Variants in ALS2 observed in about 807,000 individuals in gnomAD.
ALS2 encodes alsin Rho guanine nucleotide exchange factor ALS2.
Under a neutral mutation model 203.4 loss-of-function variants are expected in ALS2, and 117 were observed. The observed-to-expected ratio is 0.58, with a 90% CI of 0.50 to 0.67. The LOEUF (loss-of-function observed/expected upper bound fraction) is 0.67, where lower values mean the gene tolerates loss of function less well. ALS2 is among the 30% of genes least tolerant of loss of function. The pLI, the probability that ALS2 is intolerant of heterozygous loss-of-function variation, is 0.00. For synonymous variants in ALS2, 718 were observed against 725.9 expected (o/e 0.99, Z 0.17); for missense variants, 1,715 against 1,989.4 (o/e 0.86, Z 2.62).
At chr2:201,713,625 G>A (rs1690182673) in intron 25 of ALS2, among the ~76,000 whole-genome samples, 1 of 152,072 alleles carries the variant, frequency 6.6e-6, no homozygotes, top group Non-Finnish European at 1.5e-5. Context: ...AAGTGATTTC[G>A]GTTAGTGCAG....
intron 15 of ALS2, 105 bp downstream of exon 15, chr2:201,728,407 G>C: frequency 6.7e-7 from 1 of 1,498,584 alleles, no homozygotes. Context: ...TTAGTCAACA[G>C]TTTCAGTAAA....
chr2:201,727,374 G>GGTT, intron 16 of ALS2, 96 bp from the exon 17 acceptor site: 3 of 1,084,432 alleles, frequency 2.8e-6, no homozygotes, highest in Non-Finnish European at 4.2e-6. Flanking sequence ...TATTTCAAGA[G>GGTT]GAACAGAAAT....
At chr2:201,771,453 T>C (rs10196640) in intron 1 of ALS2, among the ~76,000 whole-genome samples, 25,729 of 152,072 alleles carry the variant, frequency 0.17, 2,482 homozygotes, top group East Asian at 0.4. Flanking sequence ...AGAAAACTGA[T>C]TGCTGAGGAA....
At chr2:201,738,246 G>C (rs969728226) in intron 12 of ALS2, among the ~76,000 whole-genome samples, 1 of 152,208 alleles carries the variant, frequency 6.6e-6, no homozygotes, top group Admixed American at 6.5e-5. Flanking sequence ...CCTTGTGTAA[G>C]GAGCCTTTAA....
chr2:201,740,188 G>A (rs1365956405), intron 11 of ALS2, among the ~76,000 whole-genome samples: 2 of 151,948 alleles, frequency 1.3e-5, no homozygotes, highest in African/African-American at 4.8e-5. Context: ...TTAGCTGGAT[G>A]TGCTGGCATG....
At chr2:201,752,282 A>AT (rs1330297042) in intron 7 of ALS2, among the ~76,000 whole-genome samples, 1 of 152,156 alleles carries the variant, frequency 6.6e-6, no homozygotes, top group Admixed American at 6.5e-5. Flanking sequence ...GGTTATATGC[A>AT]TTTTATACTT....
chr2:201,732,484 C>CT (rs1691634038), intron 13 of ALS2, among the ~76,000 whole-genome samples: 1 of 151,484 alleles, frequency 6.6e-6, no homozygotes, highest in South Asian at 2.1e-4. Context: ...ATGAGAATCA[C>CT]TTGAACCTGG....
At position 201,761,823 on chromosome 2, in the gene ALS2, A is replaced by C; in HGVS notation, c.176-5T>G. The stretch of plus-strand genomic sequence containing the variant: ...CAAAGCTGTAGACCTCACCATCTGA[A>C]GGTTAAAAAAAAGAAAAAAGAAAAA... On this transcript the variant is annotated splice_region_variant and splice_polypyrimidine_tract_variant and intron_variant, in intron 3 of 33. Transcript: ENST00000264276. 6.2e-7 allele frequency: 1 copy of C among 1,613,074 alleles called. No individual in the cohort carries two copies.
At chr2:201,780,644 A>C (rs777278133) in intron 1 of ALS2, among the ~76,000 whole-genome samples, 6 of 152,178 alleles carry the variant, frequency 3.9e-5, no homozygotes, top group Non-Finnish European at 5.9e-5. Context: ...AAGTGGGAGA[A>C]CCTGGGGCCA....
chr2:201,744,422 T>C lies in ALS2; in HGVS notation c.2006A>G (p.Tyr669Cys). The change falls in exon 10 of 34, where the codon TAT becomes TGT. Residue 669 changes from tyrosine (Y) to cysteine (C), a missense_variant. By Grantham distance (194) the Tyr-to-Cys change is radical. Transcript: ENST00000264276. ...PVLLSCSKLG[Y>C]ISRVTAGKDS... The stretch of plus-strand genomic sequence containing the variant: ...TTTTCCTGCTGTCACTCTGCTTATA[T>C]ATCCAAGCTGAAACAGAAGAAAACA... The C allele has an allele frequency of 6.2e-7, 1 of 1,614,034 alleles. No individual in the cohort carries two copies. Among genetic ancestry groups the C allele is most frequent in the Non-Finnish European group, 8.5e-7 (1 of 1,179,976 alleles).
rs781454879 is a variant in ALS2 at position 201,723,360 on chromosome 2, G to A, written c.3594C>T (p.Tyr1198=). 40 of 1,613,620 alleles carry A rather than the reference G, an allele frequency of 2.5e-5. No individual in the cohort carries two copies. The highest frequency in any genetic ancestry group is 9.9e-5 in the South Asian group (9 of 91,056). ...TTTTATTAAGGTGAAAGTTGCCCTC[G>A]TAGTATAATCCAAACTGGGTAACCA... ...GVVVTQFGLY[Y]EGNFHLNKMM... The change falls in exon 22 of 34, where the codon TAC becomes TAT. Residue 1198 remains tyrosine, a synonymous_variant. Transcript: ENST00000264276.
Position 201,733,452 on chromosome 2 carries a change from A to G in ALS2, c.2418-14T>C, listed in dbSNP as rs78633310. Reference sequence around the variant, plus strand: ...TTTAGGAAATCACTAGAGGCAGAGGAAAAAAAAATTTAGTTAATCATTTTG... The same window carrying G: ...TTTAGGAAATCACTAGAGGCAGAGGGAAAAAAAATTTAGTTAATCATTTTG... On this transcript the variant is annotated splice_polypyrimidine_tract_variant and intron_variant, in intron 12 of 33. Transcript: ENST00000264276. 1.2e-6 allele frequency: 2 copies of G among 1,603,064 alleles called. No homozygotes were observed. The highest frequency in any genetic ancestry group is 1.7e-6 in the Non-Finnish European group (2 of 1,172,738).
intron 2 of ALS2, 36 bp from the exon 3 acceptor site, chr2:201,767,419 C>T (rs758172365): frequency 1.2e-6 from 2 of 1,605,982 alleles, no homozygotes; most frequent in Non-Finnish European, 1.7e-6. Flanking sequence ...ATTGTTTCTA[C>T]AATTCAGAAC....
intron 1 of ALS2, among the ~76,000 whole-genome samples, chr2:201,774,279 A>G (rs749084493): frequency 3.3e-5 from 5 of 152,212 alleles, no homozygotes; most frequent in Non-Finnish European, 7.3e-5. Context: ...GATGCCATCC[A>G]GAATATATGT....
intron 32 of ALS2, 83 bp downstream of exon 32, chr2:201,704,371 A>G: frequency 1.3e-6 from 2 of 1,554,038 alleles, no homozygotes; most frequent in Non-Finnish European, 1.8e-6. Flanking sequence ...GGAAGAGCGT[A>G]CTCCTGCTGT....
chr2:201,707,452 CAGGTCTCACTTTGTCA>C (rs1689788057), intron 28 of ALS2, among the ~76,000 whole-genome samples: 1 of 151,024 alleles, frequency 6.6e-6, no homozygotes, highest in Non-Finnish European at 1.5e-5. Context: ...TTTTTTGAGA[CAGGTCTCACTTTGTCA>C]CCCAGGCTGG....
Position 201,715,714 on chromosome 2 carries a change from A to G in ALS2, c.3962T>C (p.Ile1321Thr), listed in dbSNP as rs778071101. 4 of 1,614,210 alleles carry G rather than the reference A, an allele frequency of 2.5e-6. No homozygotes were observed. The South Asian group carries it at 4.4e-5, about 18-fold the overall frequency. ...CCGACTGGTGGTCAAGGCCACAGCA[A>G]TATTGTCCCATGCTTTCCAAACTTC... ...QGEVWKAWDN[I>T]AVALTTSRRQ... is the part of the protein sequence containing the mutation. Residue 1321 changes from isoleucine (I) to threonine (T), a missense_variant, in exon 25 of 34, where the codon ATT becomes ACT. By Grantham distance (89) the Ile-to-Thr change is moderately conservative. This residue lies in a region of ALS2 where 1,227 missense variants were observed against 1,413.5 expected (regional missense o/e 0.87). Coordinates refer to ENST00000264276, the MANE Select transcript of ALS2 (RefSeq NM_020919.4).
At chr2:201,720,138 AAGAC>A (rs1366650358) in intron 23 of ALS2, 2 of 436,088 alleles carry the variant, frequency 4.6e-6, no homozygotes, top group East Asian at 7.8e-5. Context: ...CCTGATATCA[AAGAC>A]AGACAAAGAC....
At position 201,761,758 on chromosome 2, in the gene ALS2, G is replaced by C. The variant is rs1346805773; in HGVS notation, c.236C>G (p.Pro79Arg). 15 of 1,613,768 alleles carry C rather than the reference G, an allele frequency of 9.3e-6. No homozygotes were observed. The highest frequency in any genetic ancestry group is 1.2e-5 in the Non-Finnish European group (14 of 1,179,992). ...GGCATTTTCTAGAATGGGGCTACTT[G>C]GACAAATCTCCACTGGTCCACTTCT... Reference protein sequence around the residue: ...PWRSGPVEICPSSPILENALV... With the variant: ...PWRSGPVEICRSSPILENALV... The change falls in exon 4 of 34, where the codon CCA (proline) becomes CGA (arginine). Residue 79 changes from proline to arginine, a missense_variant. Pro to Arg is a moderately radical substitution (Grantham distance 103, BLOSUM62 -2). Coordinates refer to ENST00000264276, the MANE Select transcript of ALS2 (RefSeq NM_020919.4).
Sources: allele counts gnomAD v4.1 joint callset (sites outside exome capture counted in the v4.1 genomes callset), GRCh38; gene constraint gnomAD v4.1.1; regional missense constraint gnomAD v4.1.1; transcripts MANE v1.5; gene names NCBI Gene and HGNC (gene_info 2026-07-23, HGNC 2026-07-21).